The following FANCA variants were observed in gnomAD, a reference collection of about 807,000 sequenced individuals.
FANCA encodes Fanconi anemia group A protein.
A neutral mutation model predicts 194.3 loss-of-function variants in FANCA; 236 were observed. The ratio of observed to expected loss-of-function variants is 1.21; its 90% CI spans 1.09 to 1.35. FANCA has a LOEUF of 1.35. FANCA is among the 40% of genes most tolerant of loss of function. The pLI is 0.00. For synonymous variants in FANCA, 1,014 were observed against 715.8 expected (o/e 1.42, Z -6.65); for missense variants, 2,628 against 1,813.9 (o/e 1.45, Z -8.15).
chr16:89,793,688 C>G (rs2040152852), intron 11 of FANCA, among the ~76,000 whole-genome samples: 3 of 151,862 alleles, frequency 2.0e-5, no homozygotes, highest in Non-Finnish European at 2.9e-5. Flanking sequence ...TCAAGCAATC[C>G]ACCTGCCTCA....
intron 38 of FANCA, chr16:89,740,369 G>A (rs571181187): frequency 5.8e-6 from 3 of 518,786 alleles, no homozygotes; most frequent in Non-Finnish European, 1.0e-5. Context: ...GCCGGATGCA[G>A]TGGCTCATGC....
intron 37 of FANCA, among the ~76,000 whole-genome samples, chr16:89,742,158 G>T (rs536784779): frequency 6.6e-6 from 1 of 151,974 alleles, no homozygotes; most frequent in Non-Finnish European, 1.5e-5. Context: ...TGTGTTTTTA[G>T]TAGAGACAGG....
intron 5 of FANCA, among the ~76,000 whole-genome samples, chr16:89,809,767 G>T (rs1266868437): frequency 6.6e-6 from 1 of 151,728 alleles, no homozygotes; most frequent in Admixed American, 6.6e-5. Flanking sequence ...GCGGGAGAAT[G>T]GCGTGAACCC....
intron 7 of FANCA, among the ~76,000 whole-genome samples, chr16:89,804,498 A>C (rs2143624657): frequency 6.6e-6 from 1 of 152,192 alleles, no homozygotes; most frequent in African/African-American, 2.4e-5. Context: ...CTACTCCTCA[A>C]GCTGGATTGG....
chr16:89,740,955 A>G (rs942415839), intron 37 of FANCA, 89 bp from the exon 38 acceptor site: 2 of 1,197,536 alleles, frequency 1.7e-6, no homozygotes, highest in South Asian at 2.6e-5. Context: ...TTTAATTGAA[A>G]TTTTTTACAT....
chr16:89,780,031 C>A, intron 17 of FANCA, 74 bp from the exon 18 acceptor site: 1 of 1,314,490 alleles, frequency 7.6e-7, no homozygotes, highest in Non-Finnish European at 1.1e-6. Flanking sequence ...GAAGGCCACA[C>A]TCAACCTGTG....
At chr16:89,751,772 T>C (rs1445242395) in intron 31 of FANCA, among the ~76,000 whole-genome samples, 2 of 148,308 alleles carry the variant, frequency 1.3e-5, no homozygotes, top group East Asian at 3.9e-4. Context: ...ATAAATATCT[T>C]TTTTTTTTTT....
chr16:89,791,378 G>C lies in FANCA; in HGVS notation c.1359+25C>G, dbSNP rs562009845. 2.9e-5 allele frequency: 47 copies of C among 1,612,458 alleles called. 2 individuals carry two copies. The South Asian group carries it at 4.7e-4, about 16-fold the overall frequency. On this transcript the variant is annotated intron_variant, in intron 14 of 42. Transcript: ENST00000389301. ...GGCCTTCTGGGAAGATCAGGTATTA[G>C]GTAGCCGATTGGCAGGTCACTTACC...
chr16:89,775,797 T>TG lies in FANCA; in HGVS notation c.1844dup (p.Ser616IlefsTer14), dbSNP rs779375100. The stretch of plus-strand genomic sequence containing the variant: ...CCTGGCAGTAGGTGGAGTACAGAGA[T>TG]GGGGGGATTTTATCTGCTCTGGATC... On this transcript the variant is annotated frameshift_variant, in exon 21 of 43. Transcript: ENST00000389301. LOFTEE classifies it high-confidence loss of function. 4 of 1,612,214 alleles carry TG rather than the reference T, an allele frequency of 2.5e-6. No homozygotes were observed. Among genetic ancestry groups the TG allele is most frequent in the Non-Finnish European group, 3.4e-6 (4 of 1,179,092 alleles).
chr16:89,763,240 C>G (rs2039012544), intron 28 of FANCA, among the ~76,000 whole-genome samples: 1 of 123,852 alleles, frequency 8.1e-6, no homozygotes, highest in Non-Finnish European at 1.6e-5. Flanking sequence ...GAGGAAGATT[C>G]CATCTCCAAA....
intron 3 of FANCA, among the ~76,000 whole-genome samples, chr16:89,812,646 C>CAAAAAAA (rs71137677): frequency 1.9e-4 from 8 of 42,342 alleles, no homozygotes; most frequent in East Asian, 7.1e-4. Context: ...TACTCCGTCT[C>CAAAAAAA]AAAAAAAAAA....
chr16:89,798,654 G>A (rs1451131691), intron 10 of FANCA: 1 of 1,216,060 alleles, frequency 8.2e-7, no homozygotes, highest in Non-Finnish European at 1.0e-6. Flanking sequence ...CGACCTGTAA[G>A]GGTCTCCGCA....
intron 31 of FANCA, among the ~76,000 whole-genome samples, chr16:89,751,491 A>T (rs2038589048): frequency 6.6e-6 from 1 of 152,140 alleles, no homozygotes; most frequent in Non-Finnish European, 1.5e-5. Context: ...AATAATTATG[A>T]TTACAATTAA....
chr16:89,761,439 A>G (rs1454554165), intron 29 of FANCA, among the ~76,000 whole-genome samples: 2 of 146,130 alleles, frequency 1.4e-5, no homozygotes, highest in Admixed American at 6.9e-5. Context: ...AAAAAAAAAG[A>G]AAAACAGAAA....
At chr16:89,798,441 T>C in intron 10 of FANCA, 1 of 1,090,094 alleles carries the variant, frequency 9.2e-7, no homozygotes, top group East Asian at 4.5e-5. Context: ...AAACAGTTAC[T>C]GTGAGGGATG....
At chr16:89,759,303 G>A (rs1162973578) in intron 29 of FANCA, among the ~76,000 whole-genome samples, 1 of 87,584 alleles carries the variant, frequency 1.1e-5, no homozygotes, top group Admixed American at 1.7e-4. Context: ...TTGGGCAACA[G>A]AGCGAGACTC....
At position 89,758,619 on chromosome 16, in the gene FANCA, G is replaced by A. The variant is rs773070418; in HGVS notation, c.2939C>T (p.Ala980Val). Reference protein sequence around the residue: ...SGGCDGDLQAACTILVNALMD... With the variant: ...SGGCDGDLQAVCTILVNALMD... ...CAGTGCGTTGACAAGAATGGTACAC[G>A]CAGCCTGCAGGTCTCCGTCACAGCC... is the stretch of plus-strand genomic sequence containing the variant. The change falls in exon 30 of 43, where the codon GCG becomes GTG. Residue 980 changes from alanine (A) to valine (V), a missense_variant. By Grantham distance (64) the Ala-to-Val change is moderately conservative. Coordinates refer to ENST00000389301, the MANE Select transcript of FANCA (RefSeq NM_000135.4). 29 of 1,613,850 alleles carry A rather than the reference G, an allele frequency of 1.8e-5. No homozygotes were observed. The highest frequency in any genetic ancestry group is 2.0e-5 in the Non-Finnish European group (24 of 1,179,912).
At chr16:89,789,771 C>G (rs2040007816) in intron 14 of FANCA, among the ~76,000 whole-genome samples, 1 of 151,700 alleles carries the variant, frequency 6.6e-6, no homozygotes. Context: ...ATTAGCTCTT[C>G]AAATGGAAAC....
chr16:89,814,297 C>T (rs992022381), intron 3 of FANCA, among the ~76,000 whole-genome samples: 1 of 152,212 alleles, frequency 6.6e-6, no homozygotes, highest in African/African-American at 2.4e-5. Flanking sequence ...CTGGGTCCTA[C>T]TGCTTCTGAG....
Sources: allele counts gnomAD v4.1 joint callset (sites outside exome capture counted in the v4.1 genomes callset), GRCh38; gene constraint gnomAD v4.1.1; transcripts MANE v1.5; gene names NCBI Gene and HGNC (gene_info 2026-07-23, HGNC 2026-07-21).